Variants in IRF2 observed in about 807,000 individuals in gnomAD.
The protein encoded by IRF2 is interferon regulatory factor 2.
Under a neutral mutation model 40.6 loss-of-function variants are expected in IRF2, and 15 were observed. The ratio of observed to expected loss-of-function variants is 0.37; its 90% confidence interval spans 0.25 to 0.57. IRF2 has a LOEUF of 0.57. Among genes scored for constraint, IRF2 ranks in the 20% least tolerant of loss-of-function variants. The pLI is 0.77. For missense variants in IRF2, 317 were observed against 455.7 expected (o/e 0.70, Z 2.77); for synonymous variants, 151 against 165.5 (o/e 0.91, Z 0.67).
At chr4:184,433,828 C>T (rs141867782) in intron 1 of IRF2, among the ~76,000 whole-genome samples, 37 of 152,292 alleles carry the variant, frequency 2.4e-4, no homozygotes, top group Non-Finnish European at 5.0e-4. Flanking sequence ...CCTCGCGACA[C>T]GGTACAAAGT....
chr4:184,459,077 C>G (rs554135473), intron 1 of IRF2, among the ~76,000 whole-genome samples: 1 of 151,972 alleles, frequency 6.6e-6, no homozygotes, highest in South Asian at 2.1e-4. Context: ...AATCTTTATC[C>G]TGAAATACCA....
At chr4:184,399,683 C>T (rs867254014) in intron 6 of IRF2, among the ~76,000 whole-genome samples, 9 of 152,288 alleles carry the variant, frequency 5.9e-5, no homozygotes, top group Middle Eastern at 3.4e-3. Context: ...GCTCTGCTTA[C>T]GCTCCCAGCT....
chr4:184,400,696 C>T, intron 6 of IRF2, among the ~76,000 whole-genome samples: 1 of 152,162 alleles, frequency 6.6e-6, no homozygotes, highest in Non-Finnish European at 1.5e-5. Flanking sequence ...TCTGAGTGAT[C>T]AAATTTCTCC....
At chr4:184,412,160 C>T (rs114194956) in intron 5 of IRF2, among the ~76,000 whole-genome samples, 4 of 152,240 alleles carry the variant, frequency 2.6e-5, no homozygotes, top group South Asian at 2.1e-4. Flanking sequence ...CAAACATTGA[C>T]GCTCAAGAAC....
At chr4:184,395,784 A>G (rs2149891953) in intron 7 of IRF2, among the ~76,000 whole-genome samples, 1 of 152,370 alleles carries the variant, frequency 6.6e-6, no homozygotes, top group South Asian at 2.1e-4. Context: ...AGGCTCCAGC[A>G]AAACCTCCTG....
Position 184,388,834 on chromosome 4 carries a change from C to G in IRF2, c.974G>C (p.Arg325Pro). The G allele has an allele frequency of 6.2e-7, 1 of 1,613,940 alleles. No homozygotes were observed. ...GCTGGCCCGGGTCTCCCGGTCTGGC[C>G]GACTGCTGCTGGATGCTGGGGTCAT... ...SSMTPASSSS[R>P]PDRETRASVI... Residue 325 changes from arginine to proline, a missense_variant, in exon 9 of 9, where the codon CGG becomes CCG. Coordinates refer to ENST00000393593, the MANE Select transcript of IRF2 (RefSeq NM_002199.4). The surrounding 1 kb of genome is among the most constrained non-coding windows in gnomAD (Gnocchi z 4.6).
chr4:184,454,225 A>C (rs1035472207), intron 1 of IRF2, among the ~76,000 whole-genome samples: 7 of 152,166 alleles, frequency 4.6e-5, no homozygotes, highest in African/African-American at 7.2e-5. Context: ...GATTTCCTTT[A>C]AGCTGTCCCC....
At chr4:184,452,672 G>A (rs1054285599) in intron 1 of IRF2, among the ~76,000 whole-genome samples, 8 of 150,024 alleles carry the variant, frequency 5.3e-5, no homozygotes, top group East Asian at 2.0e-4. Flanking sequence ...TTGGGAGGCC[G>A]AAGCAGGAGG....
intron 1 of IRF2, among the ~76,000 whole-genome samples, chr4:184,473,472 C>T (rs1414318052): frequency 1.4e-5 from 2 of 147,678 alleles, no homozygotes; most frequent in African/African-American, 4.9e-5. Flanking sequence ...TGGGACGCGC[C>T]GCCCGAGCCC....
chr4:184,455,284 C>T (rs1326489913), intron 1 of IRF2, among the ~76,000 whole-genome samples: 1 of 120,942 alleles, frequency 8.3e-6, no homozygotes, highest in African/African-American at 2.9e-5. Context: ...TCCCCTCCCC[C>T]TCCCTTCCTT....
chr4:184,410,897 G>A (rs570506486), intron 5 of IRF2, among the ~76,000 whole-genome samples: 33 of 152,222 alleles, frequency 2.2e-4, no homozygotes, highest in Non-Finnish European at 7.4e-5. Flanking sequence ...CCAAGATCAC[G>A]CTACTTTTAG....
At chr4:184,396,426 A>ATT (rs59546735) in intron 7 of IRF2, among the ~76,000 whole-genome samples, 2 of 139,656 alleles carry the variant, frequency 1.4e-5, no homozygotes, top group Non-Finnish European at 3.0e-5. Flanking sequence ...ATATATATAT[A>ATT]TTTTTTTTTC....
intron 1 of IRF2, among the ~76,000 whole-genome samples, chr4:184,439,599 TA>T (rs1424712859): frequency 6.6e-6 from 1 of 152,186 alleles, no homozygotes; most frequent in Non-Finnish European, 1.5e-5. Flanking sequence ...ATCAAAAGTC[TA>T]AAATGCTTTC....
chr4:184,407,282 T>C, intron 6 of IRF2: 1 of 1,255,308 alleles, frequency 8.0e-7, no homozygotes, highest in African/African-American at 1.6e-5. Context: ...AAAAATTCAA[T>C]GCTGAAAGAA....
chr4:184,393,605 G>A (rs527641491), intron 7 of IRF2, among the ~76,000 whole-genome samples: 6 of 152,266 alleles, frequency 3.9e-5, no homozygotes, highest in South Asian at 2.1e-4. Flanking sequence ...TTTCAGCTTC[G>A]GGGAAATAGC....
At chr4:184,447,697 G>A (rs1738563693) in intron 1 of IRF2, among the ~76,000 whole-genome samples, 5 of 152,228 alleles carry the variant, frequency 3.3e-5, no homozygotes, top group African/African-American at 1.2e-4. Flanking sequence ...GCAAGAAGAA[G>A]AAAGTCTCAC....
chr4:184,397,247 A>G (rs1270763914), intron 7 of IRF2, among the ~76,000 whole-genome samples: 4 of 152,252 alleles, frequency 2.6e-5, no homozygotes, highest in Non-Finnish European at 5.9e-5. Context: ...TCACAAAACA[A>G]CAAGCACTAT....
At chr4:184,465,340 A>G (rs1265724843) in intron 1 of IRF2, among the ~76,000 whole-genome samples, 1 of 152,212 alleles carries the variant, frequency 6.6e-6, no homozygotes, top group Non-Finnish European at 1.5e-5. Flanking sequence ...GGCAGCACCC[A>G]GTGTGTTTTT....
At chr4:184,429,335 C>G (rs1323764239) in intron 1 of IRF2, among the ~76,000 whole-genome samples, 1 of 152,154 alleles carries the variant, frequency 6.6e-6, no homozygotes, top group East Asian at 1.9e-4. Context: ...CCAGGACCCA[C>G]ACTCCTCCCC....
Sources: allele counts gnomAD v4.1 joint callset (sites outside exome capture counted in the v4.1 genomes callset), GRCh38; gene constraint gnomAD v4.1.1; non-coding constraint Gnocchi (gnomAD v3.1); transcripts MANE v1.5; gene names NCBI Gene and HGNC (gene_info 2026-07-23, HGNC 2026-07-21).